The following SLC19A1 variants were observed in gnomAD, a reference collection of about 807,000 sequenced individuals.
SLC19A1 encodes the protein reduced folate transporter.
A neutral mutation model predicts 35.3 loss-of-function variants in SLC19A1; 37 were observed. The ratio of observed to expected loss-of-function variants is 1.05; its 90% CI spans 0.81 to 1.38. The LOEUF is 1.38. Among genes scored for constraint, SLC19A1 ranks in the 40% most tolerant of loss-of-function variants. The pLI is 0.00. For synonymous variants in SLC19A1, 460 were observed against 398.5 expected, an observed-to-expected ratio of 1.15 and a Z score of -1.84; for missense variants, 831 against 826.9, an observed-to-expected ratio of 1.00 and a Z score of -0.06.
chr21:45,504,377 G>A lies in SLC19A1; in HGVS notation c.498-5765C>T, dbSNP rs756084687. ...TGGGAGGCCACCTGTGGCTTGTAGG[G>A]GTTCAGGGCTCCCGTGTAACAAGTG... On this transcript the variant is annotated intron_variant, in intron 3 of 4. Coordinates refer to the SLC19A1 transcript ENST00000417954. The A allele has an allele frequency of 2.5e-6, 4 of 1,598,866 alleles. No homozygotes were observed. The African/African-American group carries it at 4.0e-5, about 16-fold the overall frequency.
Position 45,540,606 on chromosome 21 carries a change from C to T in SLC19A1, c.-50+1762G>A, listed in dbSNP as rs1602904729. Among the ~76,000 whole-genome samples the T allele has an allele frequency of 1.3e-5, 2 of 152,202 alleles. No homozygotes were observed. Among genetic ancestry groups the T allele is most frequent in the African/African-American group, 2.4e-5 (1 of 41,456 alleles). On this transcript the variant is annotated intron_variant, in intron 1 of 5. Transcript: ENST00000311124. The surrounding 1 kb of genome is among the most constrained non-coding windows in gnomAD (Gnocchi z 5.5). The stretch of plus-strand genomic sequence containing the variant: ...CCCACTGACAGAGGCTTGGCCATCA[C>T]GGCCCAGACCACCTCCAAGAGGAAA...
chr21:45,508,312 C>G (rs1389372999), downstream of SLC19A1, among the ~76,000 whole-genome samples: 1 of 136,572 alleles, frequency 7.3e-6, no homozygotes, highest in Non-Finnish European at 1.6e-5. Flanking sequence ...GGTTGCTGGA[C>G]AGGTGGGTGA....
rs140117756 is a variant in SLC19A1 at position 45,560,452 on chromosome 21, G to A, written c.-50+2290C>T. Among the ~76,000 whole-genome samples, 649 of 149,960 alleles carry A rather than the reference G, an allele frequency of 4.3e-3. 4 individuals are homozygous for A. The highest frequency in any genetic ancestry group is 0.016 in the African/African-American group (627 of 40,324). ...CTGGCACCCCCGCTAGGGTGCCCAC[G>A]GTGGCGCCCACAGGAGCTAATCCAC... On this transcript the variant is annotated intron_variant, in intron 1 of 5. Coordinates refer to the SLC19A1 transcript ENST00000650808.
chr21:45,510,997 AACACACCCCCCCCCCACACAT>A (rs2037559805), downstream of SLC19A1: 3 of 21,718 alleles, frequency 1.4e-4, 1 homozygote, highest in Admixed American at 6.8e-4. Flanking sequence ...CCACACACAC[AACACACCCCCCCCCCACACAT>A]CCACACCCCA....
In SLC19A1 at chr21:45,515,480, A is replaced by G. The variant is rs1157405872; in HGVS notation, c.*178T>C. Reference sequence around the variant, plus strand: ...ACAGCATGGCCAGGCAGCTGCCCTGAGTGTCGCCAGCACGCTGTGGCCACC... The same window carrying G: ...ACAGCATGGCCAGGCAGCTGCCCTGGGTGTCGCCAGCACGCTGTGGCCACC... On this transcript the variant is annotated 3_prime_UTR_variant, in exon 6 of 6. Coordinates refer to ENST00000311124, the MANE Select transcript of SLC19A1 (RefSeq NM_194255.4). The G allele has an allele frequency of 6.7e-7, 1 of 1,498,506 alleles. No individual in the cohort carries two copies. The highest frequency in any genetic ancestry group is 8.8e-7 in the Non-Finnish European group (1 of 1,136,482). The allele number at this position is 1,498,506 out of a possible 1,614,324, so 92.8% of individuals were successfully genotyped here.
rs145409734 is a variant in SLC19A1, at chr21:45,519,932, G to A, written c.1294-3792C>T. On this transcript the variant is annotated intron_variant, in intron 5 of 5. Transcript: ENST00000311124. ...TATACATTCTTTCAAAGTGTCCACA[G>A]TATATCAAAACAGATAATATTCTGG... 1.4e-4 allele frequency among the ~76,000 whole-genome samples: 22 copies of A among 152,246 alleles called. No homozygotes were observed. In the East Asian group the frequency reaches 3.5e-3, roughly 24 times the overall value.
Position 45,525,939 on chromosome 21 carries a change from G to A in SLC19A1, c.1171C>T (p.Leu391=), listed in dbSNP as rs1176641009. Residue 391 remains leucine, a synonymous_variant, in exon 5 of 6, where the codon CTG becomes TTG. Coordinates refer to ENST00000311124, the MANE Select transcript of SLC19A1 (RefSeq NM_194255.4). ...ACCAGGGCACAGAGCTCTTTAGACA[G>A]AGAAGATGCAATCTGAAAGCTGAAC... ...PIATFQIASS[L]SKELCALVFG... is the part of the protein sequence containing the mutation. 7 of 1,613,464 alleles carry A rather than the reference G, an allele frequency of 4.3e-6. No individual in the cohort carries two copies. Among genetic ancestry groups the A allele is most frequent in the Non-Finnish European group, 5.9e-6 (7 of 1,179,914 alleles).
chr21:45,530,702 C>G lies in SLC19A1; in HGVS notation c.1151+68G>C. On this transcript the variant is annotated intron_variant, in intron 4 of 5. Coordinates refer to ENST00000311124, the MANE Select transcript of SLC19A1 (RefSeq NM_194255.4). The surrounding 1 kb of genome is among the most constrained non-coding windows in gnomAD (Gnocchi z 5.3). ...GGGGCGCAGCAGGAAGGTGGGAGCA[C>G]CCAGCGAAGCGCGGGGCTTGATCCT... 1.4e-6 allele frequency: 2 copies of G among 1,480,442 alleles called. No homozygotes were observed. Among genetic ancestry groups the G allele is most frequent in the Non-Finnish European group, 1.8e-6 (2 of 1,093,392 alleles). 91.7% of individuals were successfully genotyped at this position (1,480,442 alleles called of 1,614,324 possible). A position where few individuals can be genotyped will look rare whatever the true frequency, so the allele number is the denominator to read the frequency against.
rs2078006861 is a variant in SLC19A1, at chr21:45,533,550, C to T, written c.190-1402G>A. On this transcript the variant is annotated intron_variant, in intron 2 of 5. Coordinates refer to ENST00000311124, the MANE Select transcript of SLC19A1 (RefSeq NM_194255.4). The surrounding 1 kb of genome is among the most constrained non-coding windows in gnomAD (Gnocchi z 4.5). ...CTCCCCTGGGGCCCAGGTGCATTTT[C>T]AGCAGGTGGCCCCGCCCACAGGCCC... 6.6e-6 allele frequency among the ~76,000 whole-genome samples: 1 copy of T among 152,018 alleles called. No individual in the cohort carries two copies. Among genetic ancestry groups the T allele is most frequent in the Admixed American group, 6.5e-5 (1 of 15,280 alleles).
At position 45,505,154 on chromosome 21, in the gene SLC19A1, C is replaced by T; in HGVS notation, c.498-6542G>A. ...CGTAGGGTCCCAAGGGAGAGAGCAT[C>T]CGGGGCCAGCCCGGCCCACCTGGAC... On this transcript the variant is annotated intron_variant, in intron 3 of 4. Transcript: ENST00000417954. 1 of 1,608,890 alleles carries T rather than the reference C, an allele frequency of 6.2e-7. No homozygotes were observed. Among genetic ancestry groups the T allele is most frequent in the Non-Finnish European group, 8.5e-7 (1 of 1,178,568 alleles).
At chr21:45,526,052 C>G in intron 4 of SLC19A1, 94 bp from the exon 5 acceptor site, 1 of 1,420,244 alleles carries the variant, frequency 7.0e-7, no homozygotes, top group Non-Finnish European at 9.6e-7. Flanking sequence ...CAGCCCATGA[C>G]CCGCCCGGCA....
Position 45,531,504 on chromosome 21 carries a change from C to T in SLC19A1, c.834G>A (p.Ser278=). 1 of 1,612,766 alleles carries T rather than the reference C, an allele frequency of 6.2e-7. No homozygotes were observed. The highest frequency in any genetic ancestry group is 1.1e-5 in the South Asian group (1 of 91,078). The change falls in exon 3 of 6, where the codon TCG becomes TCA. Residue 278 remains serine, a synonymous_variant. Coordinates refer to ENST00000311124, the MANE Select transcript of SLC19A1 (RefSeq NM_194255.4). ...RLWSLWWVFN[S]AGYYLVVYYV... Reference sequence around the variant, plus strand: ...AGTAGACCACCAGGTAGTAGCCGGCCGAGTTGAAGACCCACCAGAGGGACC... The same window carrying T: ...AGTAGACCACCAGGTAGTAGCCGGCTGAGTTGAAGACCCACCAGAGGGACC...
Position 45,525,977 on chromosome 21 carries a change from C to T in SLC19A1, c.1152-19G>A. ...CTGAAAGCTGAACGGGAAGAGCGGG[C>T]AGATCAGGCGCTGCTGGGAGAATAA... On this transcript the variant is annotated intron_variant, in intron 4 of 5. Transcript: ENST00000311124. 6.2e-7 allele frequency: 1 copy of T among 1,611,148 alleles called. No homozygotes were observed. The highest frequency in any genetic ancestry group is 8.5e-7 in the Non-Finnish European group (1 of 1,178,814).
intron 1 of SLC19A1, among the ~76,000 whole-genome samples, chr21:45,550,876 C>A (rs367653038): frequency 6.8e-6 from 1 of 146,852 alleles, no homozygotes; most frequent in African/African-American, 2.5e-5. Context: ...CCCTCTCCTC[C>A]GCCTTTCTGT....
In SLC19A1 at chr21:45,532,093, G is replaced by C; in HGVS notation, c.245C>G (p.Pro82Arg). 6.2e-7 allele frequency: 1 copy of C among 1,612,134 alleles called. No individual in the cohort carries two copies. Among genetic ancestry groups the C allele is most frequent in the Non-Finnish European group, 8.5e-7 (1 of 1,179,282 alleles). ...CAGGTAGTCGGTGAGCAGGAACACG[G>C]GCACCAGCACGGCCAGGTAGGAGTA... ...LSYSYLAVLV[P>R]VFLLTDYLRY... is the part of the protein sequence containing the mutation. Residue 82 changes from proline to arginine, a missense_variant, in exon 3 of 6, where the codon CCC becomes CGC. By Grantham distance (103) the Pro-to-Arg change is moderately radical. Transcript: ENST00000311124.
Position 45,529,602 on chromosome 21 carries a change from CGT to C in SLC19A1, c.1151+1166_1151+1167del, listed in dbSNP as rs893241969. Among the ~76,000 whole-genome samples, 27 of 64,756 alleles carry C rather than the reference CGT, an allele frequency of 4.2e-4. No homozygotes were observed. In the East Asian group the frequency reaches 4.6e-3, roughly 11 times the overall value. 42.5% of individuals were successfully genotyped at this position (64,756 alleles called of 152,430 possible). ...ATGTGTGGGTGTCTCCATGTGTGAG[CGT>C]GTGTCCATGTGTGAACGTGTCCATG... On this transcript the variant is annotated intron_variant, in intron 4 of 5. Transcript: ENST00000311124.
intron 3 of SLC19A1, among the ~76,000 whole-genome samples, chr21:45,503,674 A>C (rs965792907): frequency 6.6e-6 from 1 of 150,534 alleles, no homozygotes. Flanking sequence ...ATTGGGAGAT[A>C]TACCTAATGC....
At chr21:45,551,758 C>T (rs1487428068) in intron 1 of SLC19A1, among the ~76,000 whole-genome samples, 4 of 152,170 alleles carry the variant, frequency 2.6e-5, no homozygotes, top group Admixed American at 6.5e-5. Flanking sequence ...CTATGCACAT[C>T]GTGTTTTATA....
chr21:45,514,569 T>G lies in SLC19A1; in HGVS notation c.*1089A>C, dbSNP rs1602679815. On this transcript the variant is annotated 3_prime_UTR_variant, in exon 6 of 6. Coordinates refer to ENST00000311124, the MANE Select transcript of SLC19A1 (RefSeq NM_194255.4). ...CACAGGATAGGGCCGTTGACTAGGGTTGTGGGGGTGCTCAGCTCATGGGCA... is the reference window on the plus strand; with the variant it reads ...CACAGGATAGGGCCGTTGACTAGGGGTGTGGGGGTGCTCAGCTCATGGGCA... The G allele has an allele frequency of 6.1e-6, 1 of 165,062 alleles. No homozygotes were observed. The highest frequency in any genetic ancestry group is 1.3e-5 in the Non-Finnish European group (1 of 76,886). 10.2% of individuals were successfully genotyped at this position (165,062 alleles called of 1,614,324 possible).
Sources: gnomAD v4.1 joint callset for allele counts (sites outside exome capture counted in the v4.1 genomes callset) on GRCh38, gnomAD v4.1.1 for gene constraint, Gnocchi (gnomAD v3.1) non-coding constraint, MANE v1.5 for transcripts, NCBI Gene and HGNC (gene_info 2026-07-23, HGNC 2026-07-21) for gene names.